The following HSD17B4 variants were observed in gnomAD, a reference collection of about 807,000 sequenced individuals.
HSD17B4 encodes the protein hydroxysteroid 17-beta dehydrogenase 4, also known as peroxisomal multifunctional enzyme type 2.
In HSD17B4, 70 loss-of-function variants were observed where a neutral mutation model predicts 101.0. The observed-to-expected ratio is 0.69, with a 90% confidence interval of 0.57 to 0.85. The LOEUF is 0.85. HSD17B4 is among the 40% of genes least tolerant of loss of function. The pLI is 0.00. For synonymous variants in HSD17B4, 347 were observed against 297.1 expected, an observed-to-expected ratio of 1.17 and a Z score of -1.73; for missense variants, 984 against 892.4, an observed-to-expected ratio of 1.10 and a Z score of -1.31.
intron 2 of HSD17B4, among the ~76,000 whole-genome samples, chr5:119,467,058 T>C (rs1755885218): frequency 6.6e-6 from 1 of 152,212 alleles, no homozygotes; most frequent in African/African-American, 2.4e-5. Flanking sequence ...GAATATGTTG[T>C]TTAGTTTGCA....
intron 20 of HSD17B4, 45 bp downstream of exon 20, chr5:119,527,264 T>C: frequency 9.3e-7 from 1 of 1,075,900 alleles, no homozygotes; most frequent in Non-Finnish European, 1.4e-6. Context: ...TTTATCATTG[T>C]GTTCCATCTT....
chr5:119,527,343 A>G (rs928772530), intron 20 of HSD17B4, 124 bp downstream of exon 20: 37 of 651,808 alleles, frequency 5.7e-5, no homozygotes, highest in Non-Finnish European at 9.8e-5. Context: ...TTAATTAAAA[A>G]TAAGATACAG....
rs577594706 is a variant in HSD17B4 at position 119,477,605 on chromosome 5, T to C, written c.434+104T>C. On this transcript the variant is annotated intron_variant, in intron 7 of 23. Transcript: ENST00000510025. Reference sequence around the variant, plus strand: ...AAGTGTTGTGAAATGATTTATGACATTGAGGAATATGTACAACCTTTTAAC... The same window carrying C: ...AAGTGTTGTGAAATGATTTATGACACTGAGGAATATGTACAACCTTTTAAC... 3.2e-5 allele frequency: 27 copies of C among 833,318 alleles called. No homozygotes were observed. In the African/African-American group the frequency reaches 3.3e-4, roughly 10 times the overall value. The allele number at this position is 833,318 out of a possible 1,614,324, so 51.6% of individuals were successfully genotyped here. A position where few individuals can be genotyped will look rare whatever the true frequency, so the allele number is the denominator to read the frequency against.
intron 2 of HSD17B4, among the ~76,000 whole-genome samples, chr5:119,459,717 C>T (rs1755024369): frequency 6.6e-6 from 1 of 152,082 alleles, no homozygotes. Flanking sequence ...TGTGCTGGCT[C>T]TCGTCTCTTT....
intron 17 of HSD17B4, among the ~76,000 whole-genome samples, chr5:119,520,633 A>G (rs1753034764): frequency 6.6e-6 from 1 of 152,186 alleles, no homozygotes; most frequent in Admixed American, 6.5e-5. Flanking sequence ...AAAGAATTGT[A>G]GTCCTGCATT....
intron 23 of HSD17B4, among the ~76,000 whole-genome samples, chr5:119,539,922 CAAAAAAAA>C (rs35193622): frequency 0.14 from 15,004 of 105,910 alleles, 946 homozygotes; most frequent in South Asian, 0.24. Context: ...CTGTCTCTAC[CAAAAAAAA>C]AAAAAAAAAA....
At chr5:119,523,736 ATAAC>A (rs1753321317) in intron 17 of HSD17B4, among the ~76,000 whole-genome samples, 1 of 152,202 alleles carries the variant, frequency 6.6e-6, no homozygotes, top group Non-Finnish European at 1.5e-5. Context: ...TCTTTAAAAA[ATAAC>A]TAACATTTAT....
intron 8 of HSD17B4, among the ~76,000 whole-genome samples, chr5:119,488,079 T>C (rs1466072432): frequency 6.6e-6 from 1 of 152,188 alleles, no homozygotes; most frequent in African/African-American, 2.4e-5. Flanking sequence ...ATTTCACAAT[T>C]TTTGCATTTA....
chr5:119,502,343 A>G (rs920351478), intron 14 of HSD17B4, among the ~76,000 whole-genome samples: 3 of 152,146 alleles, frequency 2.0e-5, no homozygotes, highest in Admixed American at 6.6e-5. Context: ...GTTATTAACA[A>G]CTGAAAGGAA....
chr5:119,487,209 C>CT (rs1036930035), intron 8 of HSD17B4: 1 of 149,732 alleles, frequency 6.7e-6, no homozygotes, highest in Admixed American at 6.7e-5. Context: ...CCTGCCTTCC[C>CT]TGTAGCATGT....
chr5:119,452,702 A>G (rs1240096406), intron 1 of HSD17B4, 69 bp downstream of exon 1: 1 of 1,608,454 alleles, frequency 6.2e-7, no homozygotes, highest in Non-Finnish European at 8.5e-7. Flanking sequence ...TCGGGCCGGC[A>G]TACGCGCGCA....
At chr5:119,516,889 G>A (rs1223538771) in intron 17 of HSD17B4, among the ~76,000 whole-genome samples, 10 of 152,280 alleles carry the variant, frequency 6.6e-5, no homozygotes, top group Admixed American at 6.5e-4. Flanking sequence ...GACAGTCAGA[G>A]AAGGGATACT....
intron 2 of HSD17B4, among the ~76,000 whole-genome samples, chr5:119,461,345 A>C (rs1401750200): frequency 6.6e-6 from 1 of 152,212 alleles, no homozygotes; most frequent in Non-Finnish European, 1.5e-5. Context: ...ATAAAATATT[A>C]CTTTACTAGT....
intron 15 of HSD17B4, among the ~76,000 whole-genome samples, chr5:119,507,505 T>C (rs1580647467): frequency 6.6e-6 from 1 of 152,220 alleles, no homozygotes; most frequent in East Asian, 1.9e-4. Context: ...AATTTTACGC[T>C]GGGTGCGGTG....
At chr5:119,484,160 GT>G (rs1437638910) in intron 8 of HSD17B4, among the ~76,000 whole-genome samples, 2 of 152,110 alleles carry the variant, frequency 1.3e-5, no homozygotes, top group Non-Finnish European at 2.9e-5. Flanking sequence ...GTGAGCTACG[GT>G]TGCACCTCTG....
At chr5:119,461,368 G>A (rs746303013) in intron 2 of HSD17B4, among the ~76,000 whole-genome samples, 5 of 152,112 alleles carry the variant, frequency 3.3e-5, no homozygotes, top group Non-Finnish European at 7.4e-5. Context: ...TCAAAAAAAT[G>A]TAGACTAAAA....
chr5:119,495,966 G>A (rs1338051297), intron 11 of HSD17B4, among the ~76,000 whole-genome samples: 1 of 152,166 alleles, frequency 6.6e-6, no homozygotes, highest in African/African-American at 2.4e-5. Context: ...AGATGTGGAT[G>A]CCCCATGAGC....
At chr5:119,473,102 C>T (rs189805003) in intron 2 of HSD17B4, among the ~76,000 whole-genome samples, 1 of 151,984 alleles carries the variant, frequency 6.6e-6, no homozygotes, top group East Asian at 1.9e-4. Context: ...TGCTAATATC[C>T]TTTGTTATTT....
In HSD17B4 at chr5:119,502,032, C is replaced by T. The variant is rs748506604; in HGVS notation, c.1210-9C>T. 10 of 1,595,766 alleles carry T rather than the reference C, an allele frequency of 6.3e-6. No homozygotes were observed. The Admixed American group carries it at 8.3e-5, about 13-fold the overall frequency. On this transcript the variant is annotated splice_polypyrimidine_tract_variant and intron_variant, in intron 13 of 23. Coordinates refer to ENST00000510025, the MANE Select transcript of HSD17B4 (RefSeq NM_000414.4). ...GTTTGCTAATAAAATTTTGTTTACCCTAACATAGGTTCTTCATGGAGAGCA... is the reference window on the plus strand; with the variant it reads ...GTTTGCTAATAAAATTTTGTTTACCTTAACATAGGTTCTTCATGGAGAGCA...
Sources: gnomAD v4.1 joint callset for allele counts (sites outside exome capture counted in the v4.1 genomes callset) on GRCh38, gnomAD v4.1.1 for gene constraint, MANE v1.5 for transcripts, NCBI Gene and HGNC (gene_info 2026-07-23, HGNC 2026-07-21) for gene names.